RAD51B: variants seen among roughly 807,000 people sequenced by gnomAD.
The protein encoded by RAD51B is DNA repair protein RAD51 homolog 2.
Under a neutral mutation model 42.2 loss-of-function variants are expected in RAD51B, and 38 were observed. The observed-to-expected ratio is 0.90, with a 90% CI of 0.70 to 1.18. RAD51B has a LOEUF of 1.18. Among genes scored for constraint, RAD51B ranks in the 50% most tolerant of loss-of-function variants. RAD51B has a pLI of 0.00. For missense variants in RAD51B, 373 were observed against 400.7 expected (o/e 0.93, Z 0.59); for synonymous variants, 154 against 145.2 (o/e 1.06, Z -0.43).
chr14:68,325,901 T>A (rs2082239243), intron 8 of RAD51B, among the ~76,000 whole-genome samples: 1 of 152,154 alleles, frequency 6.6e-6, no homozygotes, highest in South Asian at 2.1e-4. Context: ...CTCTACTAAG[T>A]GTCAAGCTCT....
chr14:68,592,484 G>A (rs956707696), intron 10 of RAD51B, among the ~76,000 whole-genome samples: 1 of 152,108 alleles, frequency 6.6e-6, no homozygotes, highest in African/African-American at 2.4e-5. Flanking sequence ...ATCTCTGTGA[G>A]GTACAAGTAT....
chr14:68,527,726 G>T (rs987209390), intron 10 of RAD51B, among the ~76,000 whole-genome samples: 4 of 152,358 alleles, frequency 2.6e-5, no homozygotes, highest in Non-Finnish European at 5.9e-5. Flanking sequence ...TACAATATAT[G>T]AGCAGTAGCT....
chr14:67,951,925 C>A (rs1595157271), intron 7 of RAD51B, among the ~76,000 whole-genome samples: 1 of 151,870 alleles, frequency 6.6e-6, no homozygotes, highest in African/African-American at 2.4e-5. Flanking sequence ...CGTAAATAAC[C>A]CCATGTGACT....
chr14:68,337,632 G>A (rs144014390), intron 8 of RAD51B, among the ~76,000 whole-genome samples: 194 of 152,278 alleles, frequency 1.3e-3, no homozygotes, highest in Admixed American at 3.2e-3. Flanking sequence ...CCTTGCCTAG[G>A]CTATATCCCA....
At chr14:68,053,784 A>G (rs1258261586) in intron 7 of RAD51B, among the ~76,000 whole-genome samples, 1 of 152,222 alleles carries the variant, frequency 6.6e-6, no homozygotes, top group Non-Finnish European at 1.5e-5. Flanking sequence ...TCAGGTCCTT[A>G]GATTCCTCAC....
At chr14:68,600,882 T>A (rs1891189703), downstream of RAD51B, among the ~76,000 whole-genome samples, 1 of 152,238 alleles carries the variant, frequency 6.6e-6, no homozygotes, top group South Asian at 2.1e-4. Context: ...ATTTTGCTTC[T>A]GAGCACATGG....
intron 7 of RAD51B, among the ~76,000 whole-genome samples, chr14:68,049,658 G>A (rs2076361417): frequency 6.6e-6 from 1 of 152,196 alleles, no homozygotes; most frequent in African/African-American, 2.4e-5. Flanking sequence ...TGTTGTAAGA[G>A]TTTCCAAACA....
At chr14:67,854,686 G>C (rs1294792298) in intron 4 of RAD51B, among the ~76,000 whole-genome samples, 4 of 151,544 alleles carry the variant, frequency 2.6e-5, no homozygotes, top group Non-Finnish European at 4.4e-5. Flanking sequence ...TTTTCAGCTA[G>C]GTGTGGTGGC....
exon 11 of RAD51B, chr14:68,595,539 A>G (rs1890956326): frequency 4.7e-6 from 5 of 1,066,628 alleles, no homozygotes; most frequent in African/African-American, 1.6e-5. Context: ...TGTCTGGCCC[A>G]TCAAATGACC....
rs57860001 is a variant in RAD51B, at chr14:68,456,160, G to A, written c.958-12012G>A. Among the ~76,000 whole-genome samples, 208 of 152,212 alleles carry A rather than the reference G, an allele frequency of 1.4e-3. 1 individual carries two copies. Among genetic ancestry groups the A allele is most frequent in the African/African-American group, 4.9e-3 (205 of 41,536 alleles). On this transcript the variant is annotated intron_variant, in intron 9 of 10. Transcript: ENST00000471583. ...GCAGTAATGACAGAAGATAGTAATGGCAAAACAGAGGAACAAAAAGGAAAT... is the reference window on the plus strand; with the variant it reads ...GCAGTAATGACAGAAGATAGTAATGACAAAACAGAGGAACAAAAAGGAAAT...
chr14:67,846,543 CAGT>C (rs990479034), intron 4 of RAD51B, among the ~76,000 whole-genome samples: 8 of 152,060 alleles, frequency 5.3e-5, no homozygotes, highest in Non-Finnish European at 1.0e-4. Context: ...AGGCTGCAGT[CAGT>C]GGTGGTCTGG....
chr14:67,834,320 G>A (rs1186321500), intron 3 of RAD51B, among the ~76,000 whole-genome samples: 1 of 136,616 alleles, frequency 7.3e-6, no homozygotes, highest in Non-Finnish European at 1.5e-5. Flanking sequence ...AATCACATCT[G>A]CAAACACCCA....
intron 10 of RAD51B, among the ~76,000 whole-genome samples, chr14:68,518,184 G>A (rs953153524): frequency 6.6e-6 from 1 of 152,190 alleles, no homozygotes; most frequent in Admixed American, 6.5e-5. Flanking sequence ...CTCTGCTAAA[G>A]TGCCTCTGAA....
chr14:68,567,943 G>A (rs914968543), intron 10 of RAD51B, among the ~76,000 whole-genome samples: 5 of 152,144 alleles, frequency 3.3e-5, no homozygotes, highest in South Asian at 2.1e-4. Flanking sequence ...CAGGGGTCCC[G>A]TTCACATGAT....
rs546545235 is a variant in RAD51B, at chr14:68,313,245, A to G, written c.853+21265A>G. On this transcript the variant is annotated intron_variant, in intron 8 of 10. Coordinates refer to ENST00000471583, the MANE Select transcript of RAD51B (RefSeq NM_133510.4). The stretch of plus-strand genomic sequence containing the variant: ...TCCTTTGTGAATCTCTTCTCCTTTC[A>G]GTGCCTCCTAACTTGGGCCCCAAAG... Among the ~76,000 whole-genome samples, 4 of 152,290 alleles carry G rather than the reference A, an allele frequency of 2.6e-5. No homozygotes were observed. The South Asian group carries it at 8.3e-4, about 32-fold the overall frequency.
chr14:67,987,119 T>C (rs796310779), intron 7 of RAD51B, among the ~76,000 whole-genome samples: 26 of 152,302 alleles, frequency 1.7e-4, no homozygotes, highest in African/African-American at 6.0e-4. Flanking sequence ...AGGCATACAG[T>C]GTGTAATAAT....
chr14:68,507,950 T>A (rs1274696259), intron 10 of RAD51B, among the ~76,000 whole-genome samples: 1 of 152,060 alleles, frequency 6.6e-6, no homozygotes, highest in African/African-American at 2.4e-5. Context: ...AGCTTTGAGG[T>A]TTACACCCAC....
intron 7 of RAD51B, among the ~76,000 whole-genome samples, chr14:68,180,156 C>G (rs1247206011): frequency 6.6e-6 from 1 of 152,164 alleles, no homozygotes; most frequent in East Asian, 1.9e-4. Flanking sequence ...GTTTTGCCAC[C>G]TGTCACCTTA....
In RAD51B at chr14:68,374,950, G is replaced by A. The variant is rs553019105; in HGVS notation, c.854-36474G>A. ...ATTATGCCCGTATCTGATGAGCCTC[G>A]GCTGGCGTGAATCCGAGACAATGAA... is the stretch of plus-strand genomic sequence containing the variant. On this transcript the variant is annotated intron_variant, in intron 8 of 10. Transcript: ENST00000471583. Among the ~76,000 whole-genome samples, 5 of 151,232 alleles carry A rather than the reference G, an allele frequency of 3.3e-5. No individual in the cohort carries two copies. In the East Asian group the frequency reaches 7.7e-4, roughly 23 times the overall value.
Sources: allele counts gnomAD v4.1 joint callset (sites outside exome capture counted in the v4.1 genomes callset), GRCh38; gene constraint gnomAD v4.1.1; transcripts MANE v1.5; gene names NCBI Gene and HGNC (gene_info 2026-07-23, HGNC 2026-07-21).